The following DSCAM variants were observed in gnomAD, a reference collection of about 807,000 sequenced individuals.
The protein encoded by DSCAM is cell adhesion molecule DSCAM.
Under a neutral mutation model 217.7 loss-of-function variants are expected in DSCAM, and 47 were observed. The ratio of observed to expected loss-of-function variants is 0.22; its 90% CI spans 0.17 to 0.28. The LOEUF (loss-of-function observed/expected upper bound fraction) is 0.28, where lower values mean the gene tolerates loss of function less well. DSCAM is among the 10% of genes least tolerant of loss of function. The pLI, the probability that DSCAM is intolerant of heterozygous loss-of-function variation, is 1.00. For missense variants in DSCAM, 2,080 were observed against 2,618.3 expected (o/e 0.79, Z 4.49); for synonymous variants, 1,056 against 1,015.3 (o/e 1.04, Z -0.76).
chr21:40,512,749 G>T (rs777626685), intron 3 of DSCAM, among the ~76,000 whole-genome samples: 3 of 151,584 alleles, frequency 2.0e-5, no homozygotes, highest in Non-Finnish European at 4.4e-5. Flanking sequence ...GACCTCCCTC[G>T]TTCACACCTG....
At chr21:40,302,887 C>T (rs2837567) in intron 9 of DSCAM, among the ~76,000 whole-genome samples, 19,767 of 152,076 alleles carry the variant, frequency 0.13, 2,043 homozygotes, top group East Asian at 0.35. Context: ...TCTGTTGTTT[C>T]ATTTTTAAAG....
chr21:40,536,737 A>G (rs1396909607), intron 3 of DSCAM, among the ~76,000 whole-genome samples: 1 of 152,146 alleles, frequency 6.6e-6, no homozygotes, highest in African/African-American at 2.4e-5. Context: ...CAGGGTGAAG[A>G]TTTGGTCTTA....
rs371974899 is a variant in DSCAM at position 40,807,015 on chromosome 21, G to A, written c.43+39604C>T. Among the ~76,000 whole-genome samples, 13 of 152,190 alleles carry A rather than the reference G, an allele frequency of 8.5e-5. No homozygotes were observed. The East Asian group carries it at 1.4e-3, about 16-fold the overall frequency. ...AGGAGAAATACCTAACGTAGATGAT[G>A]GGTTGATGGGTGCAGCAAACCACCA... On this transcript the variant is annotated intron_variant, in intron 1 of 32. Transcript: ENST00000400454.
intron 10 of DSCAM, among the ~76,000 whole-genome samples, chr21:40,287,962 G>A (rs2073847926): frequency 2.6e-5 from 4 of 152,152 alleles, no homozygotes; most frequent in Non-Finnish European, 1.5e-5. Context: ...AAAGGGGCAG[G>A]GAGAAATACA....
At chr21:40,382,115 T>C (rs1006661179) in intron 3 of DSCAM, among the ~76,000 whole-genome samples, 2 of 152,234 alleles carry the variant, frequency 1.3e-5, no homozygotes, top group African/African-American at 4.8e-5. Context: ...AAAGCAAGGC[T>C]AATCGTCTTT....
chr21:40,490,672 G>A (rs1428456191), intron 3 of DSCAM, among the ~76,000 whole-genome samples: 1 of 152,176 alleles, frequency 6.6e-6, no homozygotes, highest in Non-Finnish European at 1.5e-5. Flanking sequence ...AGGAGCTTCT[G>A]GCACTTGGTA....
chr21:40,737,104 C>T (rs1294017027), intron 1 of DSCAM, among the ~76,000 whole-genome samples: 1 of 152,104 alleles, frequency 6.6e-6, no homozygotes, highest in East Asian at 1.9e-4. Flanking sequence ...GGAGTTAGGA[C>T]AATAGACAAT....
intron 2 of DSCAM, among the ~76,000 whole-genome samples, chr21:40,705,065 G>A (rs1402877684): frequency 1.3e-5 from 2 of 152,216 alleles, no homozygotes; most frequent in Non-Finnish European, 2.9e-5. Flanking sequence ...TGATTTAGCA[G>A]GATTCTTGCT....
chr21:40,678,815 C>T lies in DSCAM; in HGVS notation c.508+13995G>A, dbSNP rs532598579. ...AAAACTGAAAGTAAAGTCTGAGGCTCGTGGTGTGGCTATGGATTCAGTGCA... is the reference window on the plus strand; with the variant it reads ...AAAACTGAAAGTAAAGTCTGAGGCTTGTGGTGTGGCTATGGATTCAGTGCA... On this transcript the variant is annotated intron_variant, in intron 3 of 32. Transcript: ENST00000400454. Among the ~76,000 whole-genome samples the T allele has an allele frequency of 1.2e-4, 19 of 152,288 alleles. No homozygotes were observed. The South Asian group carries it at 3.5e-3, about 28-fold the overall frequency.
In DSCAM at chr21:40,219,379, G is replaced by A. The variant is rs1272117707; in HGVS notation, c.2357-30141C>T. 4.6e-5 allele frequency among the ~76,000 whole-genome samples: 7 copies of A among 152,134 alleles called. No individual in the cohort carries two copies. In the East Asian group the frequency reaches 7.7e-4, roughly 17 times the overall value. On this transcript the variant is annotated intron_variant, in intron 11 of 32. Coordinates refer to ENST00000400454, the MANE Select transcript of DSCAM (RefSeq NM_001389.5). ...TTTTAAAAATGCAGCTATATTATAC[G>A]ACTGCCTCCTATATTAAGAAAACTT...
intron 3 of DSCAM, among the ~76,000 whole-genome samples, chr21:40,564,682 T>C (rs1568908629): frequency 6.6e-6 from 1 of 152,192 alleles, no homozygotes; most frequent in Non-Finnish European, 1.5e-5. Context: ...CTAAATGGAA[T>C]GAGCACGTGA....
chr21:40,239,036 C>T (rs764980098), intron 11 of DSCAM, among the ~76,000 whole-genome samples: 24 of 152,158 alleles, frequency 1.6e-4, no homozygotes, highest in Admixed American at 5.9e-4. Context: ...CTAGGAATGG[C>T]TTCAGAGATG....
At chr21:40,074,926 A>G in intron 27 of DSCAM, 111 bp downstream of exon 27, 1 of 1,168,068 alleles carries the variant, frequency 8.6e-7, no homozygotes. Flanking sequence ...GACCTGGGTT[A>G]AAGAGGGAAG....
At chr21:40,398,626 CTTTTTTCTTTCT>C (rs1277970267) in intron 3 of DSCAM, among the ~76,000 whole-genome samples, 45 of 146,056 alleles carry the variant, frequency 3.1e-4, no homozygotes, top group African/African-American at 1.1e-3. Flanking sequence ...TCTTTCCTTT[CTTTTTTCTTTCT>C]TTTTTTTTTT....
intron 3 of DSCAM, among the ~76,000 whole-genome samples, chr21:40,654,903 A>G (rs1415566463): frequency 6.6e-6 from 1 of 152,158 alleles, no homozygotes; most frequent in East Asian, 1.9e-4. Flanking sequence ...TTTAGGGGCC[A>G]TTACTCTGCC....
intron 18 of DSCAM, among the ~76,000 whole-genome samples, chr21:40,135,791 A>G (rs539721938): frequency 1.3e-5 from 2 of 152,340 alleles, no homozygotes; most frequent in African/African-American, 2.4e-5. Context: ...TCTTTTGTTC[A>G]TCTTTTTTTT....
chr21:40,780,441 A>ATATATATATATATATATATATATATC (rs1407749651), intron 1 of DSCAM, among the ~76,000 whole-genome samples: 30 of 141,318 alleles, frequency 2.1e-4, no homozygotes, highest in Non-Finnish European at 3.3e-4. Context: ...ATATATATAT[A>ATATATATATATATATATATATATATC]TATATATCTC....
At chr21:40,022,558 G>A (rs1454459326) in intron 32 of DSCAM, among the ~76,000 whole-genome samples, 1 of 152,162 alleles carries the variant, frequency 6.6e-6, no homozygotes, top group African/African-American at 2.4e-5. Context: ...AATAAGAGAT[G>A]GTCCAATGGA....
At chr21:40,168,525 A>T (rs2090621476) in intron 15 of DSCAM, among the ~76,000 whole-genome samples, 1 of 152,228 alleles carries the variant, frequency 6.6e-6, no homozygotes, top group Non-Finnish European at 1.5e-5. Flanking sequence ...TTTAGATTAA[A>T]AAATGTTTTT....
Sources: allele counts gnomAD v4.1 joint callset (sites outside exome capture counted in the v4.1 genomes callset), GRCh38; gene constraint gnomAD v4.1.1; transcripts MANE v1.5; gene names NCBI Gene and HGNC (gene_info 2026-07-23, HGNC 2026-07-21).